The following GSAP variants were observed in gnomAD, a reference collection of about 807,000 sequenced individuals.
The protein encoded by GSAP is gamma-secretase activating protein, also known as gamma-secretase-activating protein.
In GSAP, 118 loss-of-function variants were observed where a neutral mutation model predicts 131.7. The observed-to-expected ratio is 0.90, with a 90% CI of 0.77 to 1.04. The LOEUF (loss-of-function observed/expected upper bound fraction) is 1.04, where lower values mean the gene tolerates loss of function less well. Among genes scored for constraint, GSAP ranks in the 50% least tolerant of loss-of-function variants. GSAP has a pLI of 0.00. For missense variants in GSAP, 1,019 were observed against 1,013.2 expected (o/e 1.01, Z -0.08); for synonymous variants, 381 against 363.4 (o/e 1.05, Z -0.55).
chr7:77,399,926 G>C (rs923058448), intron 3 of GSAP, among the ~76,000 whole-genome samples: 2 of 152,148 alleles, frequency 1.3e-5, no homozygotes, highest in African/African-American at 4.8e-5. Context: ...CAGAGCTAAA[G>C]AGGTGAAAAC....
At chr7:77,386,316 C>T (rs1272659365) in intron 6 of GSAP, among the ~76,000 whole-genome samples, 16 of 152,142 alleles carry the variant, frequency 1.1e-4, no homozygotes, top group Admixed American at 1.0e-3. Flanking sequence ...AGTATAGACA[C>T]TCGTGTATAC....
chr7:77,312,375 A>C (rs1394731992), intron 28 of GSAP, among the ~76,000 whole-genome samples, 173 bp from the exon 29 acceptor site: 2 of 152,174 alleles, frequency 1.3e-5, no homozygotes, highest in African/African-American at 4.8e-5. Context: ...AGTTTCTATG[A>C]GGGAGTAAAT....
chr7:77,314,295 G>A, intron 27 of GSAP, 75 bp downstream of exon 27: 1 of 1,548,692 alleles, frequency 6.5e-7, no homozygotes, highest in Non-Finnish European at 8.9e-7. Flanking sequence ...GACTGCACAG[G>A]TTGCACACCC....
intron 7 of GSAP, 84 bp from the exon 8 acceptor site, chr7:77,381,438 G>T: frequency 1.6e-6 from 1 of 641,982 alleles, no homozygotes; most frequent in Non-Finnish European, 2.6e-6. Flanking sequence ...TAAAAACATT[G>T]TTATAAAAGC....
intron 9 of GSAP, 111 bp downstream of exon 9, chr7:77,377,175 C>A: frequency 8.6e-7 from 1 of 1,156,632 alleles, no homozygotes; most frequent in Non-Finnish European, 1.1e-6. Context: ...TATGATCACA[C>A]CACTGCACTC....
At chr7:77,414,873 T>C (rs1283250689) in intron 1 of GSAP, among the ~76,000 whole-genome samples, 1 of 79,130 alleles carries the variant, frequency 1.3e-5, no homozygotes, top group Admixed American at 1.4e-4. Context: ...TTTTTTTTTT[T>C]TTGAGACGGA....
rs371617634 is a variant in GSAP at position 77,320,721 on chromosome 7, T to C, written c.2089+4A>G. ...TACCAAAGGACAAAAGAGCCAACACTTACCAGGAGGCAGAGGTAAAAACAA... is the reference window on the plus strand; with the variant it reads ...TACCAAAGGACAAAAGAGCCAACACCTACCAGGAGGCAGAGGTAAAAACAA... On this transcript the variant is annotated splice_donor_region_variant and intron_variant, in intron 26 of 30. Coordinates refer to ENST00000257626, the MANE Select transcript of GSAP (RefSeq NM_017439.4). The C allele has an allele frequency of 3.6e-5, 56 of 1,549,162 alleles. No homozygotes were observed. In the Middle Eastern group the frequency reaches 6.7e-4, roughly 19 times the overall value.
intron 18 of GSAP, 68 bp from the exon 19 acceptor site, chr7:77,349,472 G>C (rs1261161220): frequency 2.4e-5 from 33 of 1,374,726 alleles, no homozygotes; most frequent in Admixed American, 5.1e-5. Flanking sequence ...CAAGCTTTCA[G>C]GGAGTGTTTT....
At chr7:77,311,690 G>A in intron 30 of GSAP, 151 bp downstream of exon 30, 2 of 595,944 alleles carry the variant, frequency 3.4e-6, no homozygotes, top group Non-Finnish European at 3.0e-6. Context: ...ACTCTAGGTA[G>A]TAAATTTGGT....
intron 3 of GSAP, among the ~76,000 whole-genome samples, chr7:77,398,952 C>T (rs1049751155): frequency 1.3e-5 from 2 of 152,110 alleles, no homozygotes; most frequent in Non-Finnish European, 2.9e-5. Flanking sequence ...TTTCATGTAA[C>T]AACATGTTTT....
chr7:77,363,424 A>G (rs117903175), intron 12 of GSAP, among the ~76,000 whole-genome samples: 134 of 152,332 alleles, frequency 8.8e-4, no homozygotes, highest in Admixed American at 1.8e-3. Context: ...TATGTGATTA[A>G]CTGAAATAGG....
At chr7:77,400,457 G>C (rs1317452838) in intron 3 of GSAP, among the ~76,000 whole-genome samples, 1 of 152,126 alleles carries the variant, frequency 6.6e-6, no homozygotes, top group East Asian at 1.9e-4. Flanking sequence ...GAGGCCAAGT[G>C]GGGAGACTGA....
intron 5 of GSAP, among the ~76,000 whole-genome samples, chr7:77,387,841 G>A (rs1022615730): frequency 1.7e-4 from 26 of 152,196 alleles, no homozygotes; most frequent in Admixed American, 3.3e-4. Context: ...CAGATTATAA[G>A]AATTCTGCAT....
chr7:77,328,964 G>A lies in GSAP; in HGVS notation c.1734-327C>T, dbSNP rs531588011. Among the ~76,000 whole-genome samples the A allele has an allele frequency of 3.3e-5, 5 of 150,872 alleles. No homozygotes were observed. The South Asian group carries it at 6.3e-4, about 19-fold the overall frequency. ...TACTCTGAGATGACTCATATATCCA[G>A]AAAATAGGCTTTCAAAATAAAAGCA... On this transcript the variant is annotated intron_variant, in intron 21 of 30. Transcript: ENST00000257626.
intron 10 of GSAP, among the ~76,000 whole-genome samples, chr7:77,375,498 T>G (rs1313256864): frequency 6.6e-6 from 1 of 152,176 alleles, no homozygotes; most frequent in Non-Finnish European, 1.5e-5. Context: ...GAGGGGTAAG[T>G]GCAATTCTTG....
intron 6 of GSAP, among the ~76,000 whole-genome samples, chr7:77,385,091 T>C (rs889653866): frequency 2.0e-5 from 3 of 151,354 alleles, no homozygotes; most frequent in African/African-American, 4.9e-5. Flanking sequence ...TGGAGTGCAA[T>C]GGCACGATCT....
rs1382204239 is a variant in GSAP at position 77,318,900 on chromosome 7, G to A, written c.2089+1825C>T. On this transcript the variant is annotated intron_variant, in intron 26 of 30. Coordinates refer to ENST00000257626, the MANE Select transcript of GSAP (RefSeq NM_017439.4). ...AAAGCTTCTGCACAGCAAAGGAAACGATCCTGGGCCTGTTGTGGGGTGGGG... is the reference window on the plus strand; with the variant it reads ...AAAGCTTCTGCACAGCAAAGGAAACAATCCTGGGCCTGTTGTGGGGTGGGG... 5.1e-5 allele frequency among the ~76,000 whole-genome samples: 7 copies of A among 136,232 alleles called. No individual in the cohort carries two copies. The Admixed American group carries it at 5.4e-4, about 11-fold the overall frequency. The allele number at this position is 136,232 out of a possible 152,430, so 89.4% of individuals were successfully genotyped here.
At chr7:77,416,003 C>T (rs1804357518) in intron 1 of GSAP, 1 of 430,026 alleles carries the variant, frequency 2.3e-6, no homozygotes, top group African/African-American at 2.1e-5. Flanking sequence ...CCCACGGCGA[C>T]CTGGCCCGGG....
chr7:77,334,232 AC>A (rs1789601437), intron 19 of GSAP, among the ~76,000 whole-genome samples: 1 of 152,224 alleles, frequency 6.6e-6, no homozygotes, highest in African/African-American at 2.4e-5. Context: ...ACCGTGGAAT[AC>A]TATACAGCCA....
Sources: gnomAD v4.1 joint callset for allele counts (sites outside exome capture counted in the v4.1 genomes callset) on GRCh38, gnomAD v4.1.1 for gene constraint, MANE v1.5 for transcripts, NCBI Gene and HGNC (gene_info 2026-07-23, HGNC 2026-07-21) for gene names.